WWP1: variants seen among roughly 807,000 people sequenced by gnomAD.
The protein encoded by WWP1 is WW domain containing E3 ubiquitin protein ligase 1.
Under a neutral mutation model 130.6 loss-of-function variants are expected in WWP1, and 49 were observed. The observed-to-expected ratio is 0.38, with a 90% CI of 0.30 to 0.48. The LOEUF is 0.48. Ranked by LOEUF, WWP1 falls within the 20% of genes least tolerant of loss-of-function variation. The pLI is 0.99. For synonymous variants in WWP1, 332 were observed against 367.8 expected (o/e 0.90, Z 1.11); for missense variants, 809 against 1,100.6 (o/e 0.74, Z 3.75).
chr8:86,362,163 C>CGCATAT (rs1554554005), intron 1 of WWP1, among the ~76,000 whole-genome samples: 1 of 59,028 alleles, frequency 1.7e-5, no homozygotes, highest in African/African-American at 9.9e-5. Flanking sequence ...ATATACAAGG[C>CGCATAT]ATATATATAT....
chr8:86,354,516 C>A (rs1025971206), intron 1 of WWP1, among the ~76,000 whole-genome samples: 1 of 151,976 alleles, frequency 6.6e-6, no homozygotes, highest in Non-Finnish European at 1.5e-5. Context: ...TAATACTTTC[C>A]TCTAAGAATG....
chr8:86,423,938 GCGGGGGCTGCCCC>G lies in WWP1; in HGVS notation c.1062-1283_1062-1271del, dbSNP rs1351923215. 1.3e-4 allele frequency among the ~76,000 whole-genome samples: 17 copies of G among 130,210 alleles called. 1 individual carries two copies. Among genetic ancestry groups the G allele is most frequent in the African/African-American group, 3.9e-4 (13 of 33,110 alleles). The allele number at this position is 130,210 out of a possible 152,430, so 85.4% of individuals were successfully genotyped here. On this transcript the variant is annotated intron_variant, in intron 9 of 24. Coordinates refer to ENST00000517970, the MANE Select transcript of WWP1 (RefSeq NM_007013.4). ...CCTCCCAGATGGGGCGGCTGGCCGG[GCGGGGGCTGCCCC>G]CATAAGCGCTAACTTAAGTTAGCGC...
intron 1 of WWP1, among the ~76,000 whole-genome samples, chr8:86,360,301 C>T (rs1011260761): frequency 6.6e-5 from 10 of 152,140 alleles, no homozygotes; most frequent in Admixed American, 2.0e-4. Context: ...GAAAATTGCT[C>T]TTGCTAAGGG....
At chr8:86,426,137 G>A (rs74817514) in intron 10 of WWP1, among the ~76,000 whole-genome samples, 3,048 of 152,274 alleles carry the variant, frequency 0.02, 43 homozygotes, top group Non-Finnish European at 0.032. Context: ...AAATGAGAAC[G>A]TATTGGAAAA....
chr8:86,385,023 C>CAA (rs11284469), intron 5 of WWP1, among the ~76,000 whole-genome samples: 1 of 139,370 alleles, frequency 7.2e-6, no homozygotes, highest in Admixed American at 7.4e-5. Context: ...GACACTGTCT[C>CAA]AAAAAAAAAA....
At chr8:86,430,458 A>AT (rs1003762964) in intron 11 of WWP1, among the ~76,000 whole-genome samples, 3 of 150,898 alleles carry the variant, frequency 2.0e-5, no homozygotes, top group Non-Finnish European at 3.0e-5. Flanking sequence ...TTAAAAAAAA[A>AT]TTTTTTTTTA....
At chr8:86,424,819 G>GGGGAGA (rs1809512305) in intron 9 of WWP1, among the ~76,000 whole-genome samples, 1 of 123,538 alleles carries the variant, frequency 8.1e-6, no homozygotes, top group Admixed American at 8.1e-5. Flanking sequence ...GGGAGACTGT[G>GGGGAGA]GGGAGAGGGA....
intron 2 of WWP1, among the ~76,000 whole-genome samples, chr8:86,372,269 G>C (rs1412639748): frequency 1.3e-5 from 2 of 151,804 alleles, no homozygotes; most frequent in African/African-American, 4.8e-5. Flanking sequence ...TGATCCGCCC[G>C]TCTCGGCCTC....
chr8:86,401,136 A>G (rs902339861), intron 7 of WWP1, among the ~76,000 whole-genome samples: 17 of 151,564 alleles, frequency 1.1e-4, no homozygotes, highest in African/African-American at 4.1e-4. Flanking sequence ...ATACATTTTT[A>G]TAGTTCTGGG....
chr8:86,431,410 A>G lies in WWP1; in HGVS notation c.1392A>G (p.Lys464=). ...TATACTCACTTTATATTTCAGAAAA[A>G]AGAGTGGATTCAACAGACAGGGTTT... ...PYGPLPPGWE[K]RVDSTDRVYF... Residue 464 remains lysine, a synonymous_variant, in exon 13 of 25, where the codon AAA becomes AAG. Transcript: ENST00000517970. 1 of 1,589,120 alleles carries G rather than the reference A, an allele frequency of 6.3e-7. No homozygotes were observed. The highest frequency in any genetic ancestry group is 8.6e-7 in the Non-Finnish European group (1 of 1,166,808).
intron 1 of WWP1, among the ~76,000 whole-genome samples, chr8:86,347,883 G>A (rs1822679748): frequency 6.6e-6 from 1 of 152,066 alleles, no homozygotes; most frequent in Non-Finnish European, 1.5e-5. Context: ...AGTTTGAAAT[G>A]CTCCAAAATG....
chr8:86,377,180 G>A (rs2130337846), intron 3 of WWP1, among the ~76,000 whole-genome samples: 1 of 152,194 alleles, frequency 6.6e-6, no homozygotes, highest in South Asian at 2.1e-4. Context: ...CCCCCTCCTG[G>A]GTTCAAGTGA....
At chr8:86,452,962 G>A (rs1044075791) in intron 21 of WWP1, among the ~76,000 whole-genome samples, 2 of 152,114 alleles carry the variant, frequency 1.3e-5, no homozygotes, top group African/African-American at 4.8e-5. Context: ...TGAAATTTCA[G>A]TTTAGTAGTG....
At chr8:86,427,566 A>C in intron 10 of WWP1, 77 bp from the exon 11 acceptor site, 2 of 1,419,972 alleles carry the variant, frequency 1.4e-6, no homozygotes, top group African/African-American at 1.4e-5. Flanking sequence ...CTTGATATTT[A>C]AATTGAGTGA....
At chr8:86,353,032 TAG>T (rs1823033457) in intron 1 of WWP1, among the ~76,000 whole-genome samples, 1 of 152,198 alleles carries the variant, frequency 6.6e-6, no homozygotes, top group Non-Finnish European at 1.5e-5. Flanking sequence ...CACTTAAAAA[TAG>T]AGATTTTTGA....
At chr8:86,422,078 TAC>T (rs1333188864) in intron 9 of WWP1, among the ~76,000 whole-genome samples, 1 of 152,046 alleles carries the variant, frequency 6.6e-6, no homozygotes, top group Non-Finnish European at 1.5e-5. Context: ...ACATCACACA[TAC>T]ACAGAAAAGT....
At chr8:86,427,155 C>T (rs541339976) in intron 10 of WWP1, among the ~76,000 whole-genome samples, 1 of 147,162 alleles carries the variant, frequency 6.8e-6, no homozygotes, top group African/African-American at 2.5e-5. Flanking sequence ...AAGAGCGAAA[C>T]GCCATCTCAA....
chr8:86,465,513 C>T (rs1812031194), intron 24 of WWP1, among the ~76,000 whole-genome samples: 1 of 152,082 alleles, frequency 6.6e-6, no homozygotes, highest in Admixed American at 6.6e-5. Context: ...GTACTCCCAG[C>T]CACTCCAGGG....
intron 9 of WWP1, among the ~76,000 whole-genome samples, chr8:86,424,215 G>A (rs1159206261): frequency 1.3e-5 from 2 of 151,048 alleles, no homozygotes; most frequent in Non-Finnish European, 3.0e-5. Flanking sequence ...CGGGGCGGCG[G>A]GGCAGAGGCG....
Sources: gnomAD v4.1 joint callset for allele counts (sites outside exome capture counted in the v4.1 genomes callset) on GRCh38, gnomAD v4.1.1 for gene constraint, MANE v1.5 for transcripts, NCBI Gene and HGNC (gene_info 2026-07-23, HGNC 2026-07-21) for gene names.